WDR46: variants seen among roughly 807,000 people sequenced by gnomAD.
WDR46 encodes the protein WD repeat-containing protein 46.
WDR46 carries 58 observed loss-of-function variants against 74.7 expected under a neutral mutation model. The observed-to-expected ratio is 0.78, with a 90% confidence interval of 0.63 to 0.97. The LOEUF is 0.97. Ranked by LOEUF, WDR46 falls within the 50% of genes least tolerant of loss-of-function variation. The pLI is 0.00. For missense variants in WDR46, 702 were observed against 790.1 expected (o/e 0.89, Z 1.34); for synonymous variants, 278 against 297.3 (o/e 0.93, Z 0.67).
intron 10 of WDR46, among the ~76,000 whole-genome samples, chr6:33,282,781 C>T (rs1036865581): frequency 1.3e-5 from 2 of 151,952 alleles, no homozygotes; most frequent in Non-Finnish European, 2.9e-5. Context: ...AGGTAGCCCA[C>T]GGAGGGCAAG....
Position 33,287,489 on chromosome 6 carries a change from C to A in WDR46, c.745G>T (p.Ala249Ser), listed in dbSNP as rs769698609. Residue 249 changes from alanine (A) to serine (S), a missense_variant, in exon 8 of 15, where the codon GCA (alanine) becomes TCA (serine). Coordinates refer to ENST00000374617, the MANE Select transcript of WDR46 (RefSeq NM_005452.6). The part of the protein sequence containing the change: ...VRDIRFLHSE[A>S]LLAVAQNRWL... ...CGGTTCTGAGCAACAGCAAGCAGTG[C>A]CTCAGAATGGAGAAACCTGGGGGAG... is the stretch of plus-strand genomic sequence containing the variant. The A allele has an allele frequency of 6.2e-6, 10 of 1,612,938 alleles. No homozygotes were observed. The highest frequency in any genetic ancestry group is 8.5e-6 in the Non-Finnish European group (10 of 1,179,886).
At chr6:33,281,013 A>C (rs1254066500) in intron 10 of WDR46, 26 bp from the exon 11 acceptor site, 1 of 1,563,710 alleles carries the variant, frequency 6.4e-7, no homozygotes, top group African/African-American at 1.4e-5. Context: ...GGATCAATTA[A>C]TATGTCAGTA....
In WDR46 at chr6:33,287,094, T is replaced by C. The variant is rs997207761; in HGVS notation, c.1012A>G (p.Asn338Asp). The C allele has an allele frequency of 2.5e-6, 4 of 1,613,552 alleles. No homozygotes were observed. In the African/African-American group the frequency reaches 5.3e-5, roughly 22 times the overall value. ...YNAVIHLGHSNGTVSLWSPAM... is the reference protein window; with the variant it reads ...YNAVIHLGHSDGTVSLWSPAM... ...CAAAACTAAGCCAGGTACTGACCAT[T>C]GCTGTGTCCGAGATGGATGACGGCA... Residue 338 changes from asparagine to aspartate, a missense_variant, in exon 9 of 15, where the codon AAT becomes GAT. Asn to Asp is a conservative substitution (Grantham distance 23). Transcript: ENST00000374617.
At chr6:33,286,505 C>A (rs1293217550) in intron 10 of WDR46, among the ~76,000 whole-genome samples, 1 of 152,138 alleles carries the variant, frequency 6.6e-6, no homozygotes, top group African/African-American at 2.4e-5. Flanking sequence ...ACATGGTACC[C>A]TTTGATTTTA....
In WDR46 at chr6:33,280,673, C is replaced by A; in HGVS notation, c.1429+1G>T. The A allele has an allele frequency of 1.9e-6, 3 of 1,583,058 alleles. No individual in the cohort carries two copies. The highest frequency in any genetic ancestry group is 1.7e-6 in the Non-Finnish European group (2 of 1,161,400). ...CAAGCCCCATCCCCTGGCCCACTCA[C>A]CAGGGACCAGCATGCTGGTGATGCC... On this transcript the variant is annotated splice_donor_variant, in intron 11 of 14. Transcript: ENST00000374617. LOFTEE classifies it high-confidence loss of function.
At chr6:33,281,840 CCTTTT>C (rs3066424) in intron 10 of WDR46, among the ~76,000 whole-genome samples, 50,032 of 151,484 alleles carry the variant, frequency 0.33, 8,663 homozygotes, top group East Asian at 0.59. Context: ...AGTTGGAGTT[CCTTTT>C]CTTTTTTTGA....
chr6:33,284,092 T>TA (rs1219892029), intron 10 of WDR46, among the ~76,000 whole-genome samples: 1 of 151,142 alleles, frequency 6.6e-6, no homozygotes, highest in Non-Finnish European at 1.5e-5. Flanking sequence ...TACTAAACAT[T>TA]AAAAAATTAA....
rs761554438 is a variant in WDR46 at position 33,280,948 on chromosome 6, G to C, written c.1155C>G (p.Ile385Met). 1.2e-6 allele frequency: 2 copies of C among 1,613,210 alleles called. No individual in the cohort carries two copies. The highest frequency in any genetic ancestry group is 2.2e-5 in the East Asian group (1 of 44,874). Residue 385 changes from isoleucine to methionine, a missense_variant, in exon 11 of 15, where the codon ATC becomes ATG. Ile to Met is a conservative substitution (Grantham distance 10). Transcript: ENST00000374617. ...GCTGGTACGTCCCTCGCAAGTCAAAGATCTTCAGCTGGTGGTCTAGGCCAG... is the reference window on the plus strand; with the variant it reads ...GCTGGTACGTCCCTCGCAAGTCAAACATCTTCAGCTGGTGGTCTAGGCCAG... ...ATSGLDHQLK[I>M]FDLRGTYQPL... is the part of the protein sequence containing the mutation.
At chr6:33,285,011 T>C (rs1303000963) in intron 10 of WDR46, among the ~76,000 whole-genome samples, 1 of 152,242 alleles carries the variant, frequency 6.6e-6, no homozygotes, top group Non-Finnish European at 1.5e-5. Context: ...TATCATTACC[T>C]GTGTGAAAAG....
intron 10 of WDR46, among the ~76,000 whole-genome samples, chr6:33,282,314 T>C (rs1227413668): frequency 6.6e-6 from 1 of 152,006 alleles, no homozygotes. Context: ...TCCGACAAGA[T>C]AATCAGCGCC....
At position 33,280,931 on chromosome 6, in the gene WDR46, G is replaced by T; in HGVS notation, c.1172C>A (p.Thr391Lys). 6.2e-7 allele frequency: 1 copy of T among 1,613,824 alleles called. No individual in the cohort carries two copies. Among genetic ancestry groups the T allele is most frequent in the Non-Finnish European group, 8.5e-7 (1 of 1,179,826 alleles). ...GGTCCGAGTGCTCAGAGGCTGGTAC[G>T]TCCCTCGCAAGTCAAAGATCTTCAG... ...HQLKIFDLRG[T>K]YQPLSTRTLP... The change falls in exon 11 of 15, where the codon ACG (threonine) becomes AAG (lysine). Residue 391 changes from threonine (T) to lysine (K), a missense_variant. Thr to Lys is a moderately conservative substitution (Grantham distance 78, BLOSUM62 -1). Coordinates refer to ENST00000374617, the MANE Select transcript of WDR46 (RefSeq NM_005452.6).
intron 10 of WDR46, among the ~76,000 whole-genome samples, chr6:33,282,678 C>A (rs564188650): frequency 6.6e-6 from 1 of 152,352 alleles, no homozygotes; most frequent in Admixed American, 6.5e-5. Flanking sequence ...CTGAAGATCA[C>A]AAGGACCAGA....
intron 10 of WDR46, chr6:33,284,895 G>C (rs373731993): frequency 6.5e-6 from 1 of 153,800 alleles, no homozygotes; most frequent in African/African-American, 2.4e-5. Context: ...GAGTGGTCAC[G>C]ACAGCGACTA....
chr6:33,282,029 C>T (rs1192403805), intron 10 of WDR46, among the ~76,000 whole-genome samples: 1 of 152,192 alleles, frequency 6.6e-6, no homozygotes, highest in East Asian at 1.9e-4. Context: ...GCCATGTTGA[C>T]CACGCTGGTC....
chr6:33,280,594 C>T (rs1766082809), intron 11 of WDR46, 72 bp from the exon 12 acceptor site: 1 of 1,601,072 alleles, frequency 6.2e-7, no homozygotes, highest in Non-Finnish European at 8.5e-7. Flanking sequence ...CCCAACTAAG[C>T]CCCCAGTTCC....
intron 3 of WDR46, 36 bp downstream of exon 3, chr6:33,288,578 C>T (rs759947080): frequency 6.2e-7 from 1 of 1,610,642 alleles, no homozygotes; most frequent in Admixed American, 1.7e-5. Flanking sequence ...ACACTCCCTG[C>T]CTCCAGCACT....
rs769262834 is a variant in WDR46 at position 33,279,237 on chromosome 6, T to C, written c.*39A>G. 3.1e-6 allele frequency: 5 copies of C among 1,612,456 alleles called. No individual in the cohort carries two copies. Among genetic ancestry groups the C allele is most frequent in the East Asian group, 2.2e-5 (1 of 44,856 alleles). ...AACACTCATTTCCCTACAGGTGATC[T>C]TGGGGAGAGACTGTTCCCAGGCAAC... On this transcript the variant is annotated 3_prime_UTR_variant, in exon 15 of 15. Coordinates refer to ENST00000374617, the MANE Select transcript of WDR46 (RefSeq NM_005452.6).
chr6:33,286,135 C>A (rs1264399296), intron 10 of WDR46, among the ~76,000 whole-genome samples: 1 of 139,116 alleles, frequency 7.2e-6, no homozygotes, highest in African/African-American at 2.8e-5. Context: ...AGCAAGACTA[C>A]GTCTCTCTCA....
Position 33,279,913 on chromosome 6 carries a change from C to T in WDR46, c.1525-54G>A, listed in dbSNP as rs1002317453. 8 of 1,578,608 alleles carry T rather than the reference C, an allele frequency of 5.1e-6. No homozygotes were observed. The Admixed American group carries it at 1.3e-4, about 25-fold the overall frequency. ...AGCAAGGAGCCACAGGAGGGTAGCACCAAAAAGAGAAGCCAGGGAGGCTGC... is the reference window on the plus strand; with the variant it reads ...AGCAAGGAGCCACAGGAGGGTAGCATCAAAAAGAGAAGCCAGGGAGGCTGC... On this transcript the variant is annotated intron_variant, in intron 12 of 14. Transcript: ENST00000374617.
Sources: allele counts gnomAD v4.1 joint callset (sites outside exome capture counted in the v4.1 genomes callset), GRCh38; gene constraint gnomAD v4.1.1; transcripts MANE v1.5; gene names NCBI Gene and HGNC (gene_info 2026-07-23, HGNC 2026-07-21).